Variants in ANKRD36B observed in about 807,000 individuals in gnomAD.
The protein encoded by ANKRD36B is ankyrin repeat domain 36B, also known as ankyrin repeat domain-containing protein 36B.
A neutral mutation model predicts 135.7 loss-of-function variants in ANKRD36B; 37 were observed. The observed-to-expected ratio is 0.27, with a 90% CI of 0.21 to 0.36. The LOEUF is 0.36. ANKRD36B is among the 10% of genes least tolerant of loss of function. The probability of loss-of-function intolerance (pLI) is 1.00; values close to 1 mark genes in which losing one functional copy is unlikely to be tolerated. For missense variants in ANKRD36B, 549 were observed against 1,037.1 expected (o/e 0.53, Z 6.46); for synonymous variants, 179 against 348.1 (o/e 0.51, Z 5.41).
At chr2:97,494,546 C>T (rs2077283365) in intron 43 of ANKRD36B, among the ~76,000 whole-genome samples, 2 of 107,134 alleles carry the variant, frequency 1.9e-5, no homozygotes, top group South Asian at 4.4e-4. Context: ...ACCACCATGA[C>T]CCAAACACCT....
At chr2:97,559,659 TA>T (rs1273911879) in intron 8 of ANKRD36B, among the ~76,000 whole-genome samples, 2 of 151,982 alleles carry the variant, frequency 1.3e-5, no homozygotes, top group Admixed American at 1.3e-4. Flanking sequence ...AACGATAATG[TA>T]TTAGCCTCAA....
At position 97,578,762 on chromosome 2, in the gene ANKRD36B, C is replaced by A. The variant is rs1217413711; in HGVS notation, c.695+144G>T. 16 of 1,065,656 alleles carry A rather than the reference C, an allele frequency of 1.5e-5. No individual in the cohort carries two copies. The Admixed American group carries it at 1.5e-4, about 10-fold the overall frequency. The allele number at this position is 1,065,656 out of a possible 1,614,324, so 66.0% of individuals were successfully genotyped here. ...CTGGCTGATGAAGTTGCACAACTCT[C>A]GAAAACTTAAAAACTTGAAAATTTG... On this transcript the variant is annotated intron_variant, in intron 5 of 43. Transcript: ENST00000359901.
At chr2:97,556,550 T>C (rs544270416) in intron 12 of ANKRD36B, among the ~76,000 whole-genome samples, 1 of 152,020 alleles carries the variant, frequency 6.6e-6, no homozygotes, top group South Asian at 2.1e-4. Context: ...CGGGTTATTA[T>C]GACAACTTCC....
chr2:97,585,941 C>T (rs2082948052), intron 1 of ANKRD36B, among the ~76,000 whole-genome samples: 1 of 152,150 alleles, frequency 6.6e-6, no homozygotes, highest in South Asian at 2.1e-4. Context: ...CTACTATTCT[C>T]TTATATATTA....
At chr2:97,555,624 T>C (rs2080448994) in intron 12 of ANKRD36B, among the ~76,000 whole-genome samples, 1 of 152,098 alleles carries the variant, frequency 6.6e-6, no homozygotes, top group Non-Finnish European at 1.5e-5. Flanking sequence ...ATGTCTTTCA[T>C]GCAAGGTATC....
At chr2:97,576,833 T>G (rs2082267575) in intron 5 of ANKRD36B, among the ~76,000 whole-genome samples, 1 of 152,108 alleles carries the variant, frequency 6.6e-6, no homozygotes, top group Non-Finnish European at 1.5e-5. Context: ...ATAGGTTTAA[T>G]GAAGCAGCAT....
chr2:97,560,608 G>A (rs2080933852), intron 8 of ANKRD36B, 57 bp downstream of exon 8: 5 of 1,591,596 alleles, frequency 3.1e-6, no homozygotes, highest in East Asian at 2.2e-5. Flanking sequence ...ATTTGGGGAA[G>A]GGAATTTCTC....
intron 32 of ANKRD36B, among the ~76,000 whole-genome samples, chr2:97,536,987 G>A (rs1343515287): frequency 1.0e-5 from 1 of 96,328 alleles, no homozygotes; most frequent in South Asian, 2.4e-4. Context: ...TACACTTCAC[G>A]TATCTTCAGT....
At chr2:97,547,816 C>G in intron 20 of ANKRD36B, 85 bp from the exon 21 acceptor site, 1 of 1,507,948 alleles carries the variant, frequency 6.6e-7, no homozygotes, top group Non-Finnish European at 9.0e-7. Flanking sequence ...GCATCAACCT[C>G]TGTCTTCCTG....
rs2078245093 is a variant in ANKRD36B at position 97,526,894 on chromosome 2, T to C, written c.2266-3427A>G. ...AAATGAACAAAGTCTCCAAAAAATA[T>C]GGGACTATGTGAAAAGACCAAATCT... is the stretch of plus-strand genomic sequence containing the variant. On this transcript the variant is annotated intron_variant, in intron 35 of 43. Transcript: ENST00000359901. 2.1e-5 allele frequency among the ~76,000 whole-genome samples: 2 copies of C among 96,036 alleles called. 1 individual carries two copies. Among genetic ancestry groups the C allele is most frequent in the African/African-American group, 6.3e-5 (2 of 31,924 alleles). The allele number at this position is 96,036 out of a possible 152,430, so 63.0% of individuals were successfully genotyped here.
chr2:97,513,146 T>C, intron 38 of ANKRD36B, 34 bp downstream of exon 38: 2 of 1,428,390 alleles, frequency 1.4e-6, no homozygotes, highest in South Asian at 2.7e-5. Context: ...TTAATAAGAG[T>C]AGAAATATGA....
At position 97,530,621 on chromosome 2, in the gene ANKRD36B, C is replaced by A. The variant is rs1458207377; in HGVS notation, c.2265+1690G>T. On this transcript the variant is annotated intron_variant, in intron 35 of 43. Coordinates refer to ENST00000359901, the MANE Select transcript of ANKRD36B (RefSeq NM_001393939.1). Reference sequence around the variant, plus strand: ...ACTACCATCAGAGTGAACAGGCAACCTACAAAATGGGAGAAAATTTTCACA... The same window carrying A: ...ACTACCATCAGAGTGAACAGGCAACATACAAAATGGGAGAAAATTTTCACA... Among the ~76,000 whole-genome samples the A allele has an allele frequency of 2.1e-5, 2 of 95,306 alleles. 1 individual carries two copies. The highest frequency in any genetic ancestry group is 6.3e-5 in the African/African-American group (2 of 31,698). 62.5% of individuals were successfully genotyped at this position (95,306 alleles called of 152,430 possible). A position where few individuals can be genotyped will look rare whatever the true frequency, so the allele number is the denominator to read the frequency against.
At chr2:97,577,015 T>C (rs2082278477) in intron 5 of ANKRD36B, among the ~76,000 whole-genome samples, 1 of 152,084 alleles carries the variant, frequency 6.6e-6, no homozygotes, top group Admixed American at 6.6e-5. Flanking sequence ...TATTGTTCTA[T>C]TATTTCTGGC....
intron 5 of ANKRD36B, among the ~76,000 whole-genome samples, chr2:97,577,434 GT>G (rs1411732355): frequency 1.8e-5 from 2 of 113,938 alleles, no homozygotes; most frequent in Admixed American, 9.6e-5. Context: ...TTACACAAAT[GT>G]TTTTGTAGTG....
At chr2:97,553,552 A>G (rs2080246771) in intron 14 of ANKRD36B, among the ~76,000 whole-genome samples, 181 bp from the exon 15 acceptor site, 1 of 151,972 alleles carries the variant, frequency 6.6e-6, no homozygotes, top group Non-Finnish European at 1.5e-5. Context: ...ACAGAAATAG[A>G]TGTGTCACGA....
At chr2:97,581,221 G>T (rs2082612127) in intron 3 of ANKRD36B, among the ~76,000 whole-genome samples, 1 of 150,682 alleles carries the variant, frequency 6.6e-6, no homozygotes, top group Non-Finnish European at 1.5e-5. Context: ...GAGTTTCAGG[G>T]ATACAGTTGT....
At chr2:97,587,446 T>A (rs1011172627) in intron 1 of ANKRD36B, among the ~76,000 whole-genome samples, 1 of 152,170 alleles carries the variant, frequency 6.6e-6, no homozygotes, top group Non-Finnish European at 1.5e-5. Flanking sequence ...AAACCAACTT[T>A]TTTTCAGAGT....
chr2:97,555,705 C>A (rs1484170432), intron 12 of ANKRD36B, among the ~76,000 whole-genome samples: 1 of 151,864 alleles, frequency 6.6e-6, no homozygotes, highest in Admixed American at 6.6e-5. Flanking sequence ...TGAGAAAGTA[C>A]ACAATTACAA....
intron 5 of ANKRD36B, among the ~76,000 whole-genome samples, chr2:97,578,609 C>T (rs997879889): frequency 2.6e-5 from 4 of 151,948 alleles, no homozygotes; most frequent in African/African-American, 7.2e-5. Flanking sequence ...AACTACTTTA[C>T]CCTATGCATA....
Sources: allele counts gnomAD v4.1 joint callset (sites outside exome capture counted in the v4.1 genomes callset), GRCh38; gene constraint gnomAD v4.1.1; transcripts MANE v1.5; gene names NCBI Gene and HGNC (gene_info 2026-07-23, HGNC 2026-07-21).